AXDND1: variants seen among roughly 807,000 people sequenced by gnomAD.
AXDND1 encodes axonemal dynein light chain domain-containing protein 1.
In AXDND1, 110 loss-of-function variants were observed where a neutral mutation model predicts 137.5. The observed-to-expected ratio is 0.80, with a 90% CI of 0.69 to 0.94. AXDND1 has a LOEUF of 0.94. Among genes scored for constraint, AXDND1 ranks in the 40% least tolerant of loss-of-function variants. The probability of loss-of-function intolerance (pLI) is 0.00; values close to 1 mark genes in which losing one functional copy is unlikely to be tolerated. For synonymous variants in AXDND1, 414 were observed against 399.7 expected, an observed-to-expected ratio of 1.04 and a Z score of -0.43; for missense variants, 1,191 against 1,169.8, an observed-to-expected ratio of 1.02 and a Z score of -0.26.
intron 21 of AXDND1, among the ~76,000 whole-genome samples, chr1:179,510,436 C>A (rs1254856717): frequency 8.4e-6 from 1 of 119,090 alleles, no homozygotes; most frequent in Non-Finnish European, 1.8e-5. Flanking sequence ...GTTCTATCTA[C>A]ACATTTATGA....
Position 179,455,799 on chromosome 1 carries a change from A to C in AXDND1, c.1798+10595A>C, listed in dbSNP as rs1661313403. Reference sequence around the variant, plus strand: ...AGTAGGAGGAAACCCAATAGAATTGAGTCATAAGAAGCCAGCTTTGGCTGC... The same window carrying C: ...AGTAGGAGGAAACCCAATAGAATTGCGTCATAAGAAGCCAGCTTTGGCTGC... On this transcript the variant is annotated intron_variant, in intron 16 of 25. Transcript: ENST00000367618. 3 of 178,886 alleles carry C rather than the reference A, an allele frequency of 1.7e-5. No individual in the cohort carries two copies. In the South Asian group the frequency reaches 3.9e-4, roughly 23 times the overall value. The allele number at this position is 178,886 out of a possible 1,614,324, so 11.1% of individuals were successfully genotyped here. A position where few individuals can be genotyped will look rare whatever the true frequency, so the allele number is the denominator to read the frequency against.
intron 16 of AXDND1, chr1:179,455,245 A>G (rs74403477): frequency 0.1 from 15,225 of 145,380 alleles, 926 homozygotes; most frequent in African/African-American, 0.14. Context: ...CTTGCACCCC[A>G]GCCTAGGGGA....
chr1:179,539,979 AATTGGCT>A (rs1671962214), intron 25 of AXDND1, among the ~76,000 whole-genome samples: 1 of 151,472 alleles, frequency 6.6e-6, no homozygotes. Context: ...TGCTTGATCT[AATTGGCT>A]ATTGAAGATT....
At position 179,488,632 on chromosome 1, in the gene AXDND1, CT is replaced by C. The variant is rs1666379697; in HGVS notation, c.2092-2905del. ...TCTTTCTTTCTTTCTCTCTCTCTCT[CT>C]CCTTTCTTTCTTTCTTTCTTTCTTT... On this transcript the variant is annotated intron_variant, in intron 18 of 25. Coordinates refer to ENST00000367618, the MANE Select transcript of AXDND1 (RefSeq NM_144696.6). Among the ~76,000 whole-genome samples the C allele has an allele frequency of 1.4e-4, 9 of 63,120 alleles. 1 individual carries two copies. Among genetic ancestry groups the C allele is most frequent in the Non-Finnish European group, 6.8e-5 (2 of 29,466 alleles). 41.4% of individuals were successfully genotyped at this position (63,120 alleles called of 152,430 possible).
At chr1:179,447,627 G>T in intron 16 of AXDND1, 1 of 1,260,692 alleles carries the variant, frequency 7.9e-7, no homozygotes, top group Non-Finnish European at 1.1e-6. Flanking sequence ...TGCTTGAAGC[G>T]GGGATGACAA....
chr1:179,428,686 T>G (rs1219658497), intron 12 of AXDND1, among the ~76,000 whole-genome samples: 1 of 152,266 alleles, frequency 6.6e-6, no homozygotes. Flanking sequence ...TGACGTGATA[T>G]ATTCTAACAG....
intron 16 of AXDND1, among the ~76,000 whole-genome samples, chr1:179,463,387 A>G (rs1662650366): frequency 6.6e-6 from 1 of 152,174 alleles, no homozygotes; most frequent in African/African-American, 2.4e-5. Context: ...CCCAGTAGTC[A>G]TTCAGGAGCA....
chr1:179,474,904 G>A (rs36100834), intron 17 of AXDND1, among the ~76,000 whole-genome samples: 16,447 of 152,242 alleles, frequency 0.11, 1,184 homozygotes, highest in East Asian at 0.35. Context: ...AGGTAAAAAT[G>A]GTTTCTTGGG....
Position 179,383,576 on chromosome 1 carries a change from T to C in AXDND1, c.741+32T>C. 3.2e-6 allele frequency: 5 copies of C among 1,538,762 alleles called. No homozygotes were observed. The South Asian group carries it at 3.4e-5, about 10-fold the overall frequency. ...GCAAAGCCGAATGCAACCTGGTGGC[T>C]AAGAGCATGCACTCAGGAGGCAGAT... On this transcript the variant is annotated intron_variant, in intron 8 of 25. Coordinates refer to ENST00000367618, the MANE Select transcript of AXDND1 (RefSeq NM_144696.6).
chr1:179,492,987 TTTTG>T (rs1211829365), intron 20 of AXDND1, 36 bp downstream of exon 20: 11 of 1,440,518 alleles, frequency 7.6e-6, no homozygotes, highest in African/African-American at 2.9e-5. Context: ...TTTGTTTTTG[TTTTG>T]TTTGTTTTTA....
Position 179,528,440 on chromosome 1 carries a change from C to T in AXDND1, c.2715+9C>T, listed in dbSNP as rs182506949. 1.9e-6 allele frequency: 3 copies of T among 1,578,036 alleles called. No individual in the cohort carries two copies. Among genetic ancestry groups the T allele is most frequent in the Non-Finnish European group, 2.6e-6 (3 of 1,147,496 alleles). ...ATGTGTTGTCTTCCTGGGTATGTATCTGAAACCCAGCTAGGGAATTCAACA... is the reference window on the plus strand; with the variant it reads ...ATGTGTTGTCTTCCTGGGTATGTATTTGAAACCCAGCTAGGGAATTCAACA... On this transcript the variant is annotated intron_variant, in intron 23 of 25. Coordinates refer to ENST00000367618, the MANE Select transcript of AXDND1 (RefSeq NM_144696.6).
intron 18 of AXDND1, among the ~76,000 whole-genome samples, chr1:179,488,505 A>G (rs113882792): frequency 0.12 from 17,485 of 146,540 alleles, 2,402 homozygotes; most frequent in African/African-American, 0.17. Flanking sequence ...AGCTCAGGCA[A>G]TCCTCCCACC....
At chr1:179,525,913 A>G (rs982531896) in intron 22 of AXDND1, among the ~76,000 whole-genome samples, 2 of 152,092 alleles carry the variant, frequency 1.3e-5, no homozygotes, top group South Asian at 4.2e-4. Context: ...TTCCTCATAT[A>G]GATTTAGCCA....
chr1:179,456,702 T>A, intron 16 of AXDND1: 1 of 789,306 alleles, frequency 1.3e-6, no homozygotes, highest in Non-Finnish European at 2.3e-6. Flanking sequence ...AAAGTTGTCA[T>A]TCCCACTGAA....
At chr1:179,535,603 T>C (rs1671474632) in intron 25 of AXDND1, among the ~76,000 whole-genome samples, 1 of 152,260 alleles carries the variant, frequency 6.6e-6, no homozygotes, top group Admixed American at 6.5e-5. Flanking sequence ...TGTGCCACAT[T>C]TTCTTTATCC....
At chr1:179,386,333 C>T (rs1335023768) in intron 9 of AXDND1, among the ~76,000 whole-genome samples, 1 of 152,100 alleles carries the variant, frequency 6.6e-6, no homozygotes, top group Non-Finnish European at 1.5e-5. Flanking sequence ...CAGGCGTGAG[C>T]CACCGAGCCC....
At chr1:179,387,934 C>G (rs994223817) in intron 9 of AXDND1, among the ~76,000 whole-genome samples, 1 of 152,156 alleles carries the variant, frequency 6.6e-6, no homozygotes, top group African/African-American at 2.4e-5. Flanking sequence ...TGAGGGAGAT[C>G]TTCTGCATAT....
Position 179,449,988 on chromosome 1 carries a change from A to ATTCTTTTT in AXDND1, c.1798+4786_1798+4787insCTTTTTTT, listed in dbSNP as rs1571882821. On this transcript the variant is annotated intron_variant, in intron 16 of 25. Transcript: ENST00000367618. ...TTTTACTAGTTTCTTGCCAATCTGGATTTTTTTTTTTTTTTTTTTTTTTTT... is the reference window on the plus strand; with the variant it reads ...TTTTACTAGTTTCTTGCCAATCTGGATTCTTTTTTTTTTTTTTTTTTTTTTTTTTTTTT... The ATTCTTTTT allele has an allele frequency of 6.4e-4, 42 of 65,356 alleles. 8 individuals are homozygous for ATTCTTTTT. Among genetic ancestry groups the ATTCTTTTT allele is most frequent in the Non-Finnish European group, 8.8e-4 (32 of 36,180 alleles). The allele number at this position is 65,356 out of a possible 1,614,324, so 4.0% of individuals were successfully genotyped here.
chr1:179,476,180 G>C (rs1284782428), intron 17 of AXDND1, among the ~76,000 whole-genome samples: 1 of 151,926 alleles, frequency 6.6e-6, no homozygotes, highest in Non-Finnish European at 1.5e-5. Context: ...TGTAGAATTG[G>C]TGTAATACAA....
Sources: allele counts gnomAD v4.1 joint callset (sites outside exome capture counted in the v4.1 genomes callset), GRCh38; gene constraint gnomAD v4.1.1; transcripts MANE v1.5; gene names NCBI Gene and HGNC (gene_info 2026-07-23, HGNC 2026-07-21).